The following PRICKLE2 variants were observed in gnomAD, a reference collection of about 807,000 sequenced individuals.
PRICKLE2 encodes the protein prickle planar cell polarity protein 2, also known as prickle-like protein 2.
Under a neutral mutation model 81.4 loss-of-function variants are expected in PRICKLE2, and 21 were observed. The ratio of observed to expected loss-of-function variants is 0.26; its 90% CI spans 0.18 to 0.37. The LOEUF (loss-of-function observed/expected upper bound fraction) is 0.37, where lower values mean the gene tolerates loss of function less well. Among genes scored for constraint, PRICKLE2 ranks in the 10% least tolerant of loss-of-function variants. The probability of loss-of-function intolerance (pLI) is 1.00; values close to 1 mark genes in which losing one functional copy is unlikely to be tolerated. For synonymous variants in PRICKLE2, 456 were observed against 421.5 expected (o/e 1.08, Z -1.00); for missense variants, 940 against 1,109.0 (o/e 0.85, Z 2.16).
intron 2 of PRICKLE2, among the ~76,000 whole-genome samples, chr3:64,192,263 A>G (rs1440565631): frequency 1.3e-5 from 2 of 152,194 alleles, no homozygotes; most frequent in Non-Finnish European, 2.9e-5. Flanking sequence ...GGTGCTGGCC[A>G]TGTGTCAGGC....
chr3:64,178,671 C>A (rs376732827), intron 2 of PRICKLE2, among the ~76,000 whole-genome samples: 2 of 152,196 alleles, frequency 1.3e-5, no homozygotes, highest in Non-Finnish European at 2.9e-5. Context: ...ACAAGTGATT[C>A]TCTTTATTCA....
intron 2 of PRICKLE2, among the ~76,000 whole-genome samples, chr3:64,187,207 A>G (rs1464242869): frequency 6.6e-6 from 1 of 152,232 alleles, no homozygotes; most frequent in East Asian, 1.9e-4. Flanking sequence ...CAACTCTGAC[A>G]GCTCCGTTGA....
chr3:64,100,519 G>A (rs2106937083), intron 7 of PRICKLE2: 1 of 155,436 alleles, frequency 6.4e-6, no homozygotes, highest in South Asian at 2.0e-4. Context: ...GATATAGATA[G>A]AGAAATATTT....
At chr3:64,176,719 G>A (rs903810371) in intron 2 of PRICKLE2, among the ~76,000 whole-genome samples, 9 of 152,188 alleles carry the variant, frequency 5.9e-5, no homozygotes, top group Admixed American at 2.6e-4. Context: ...ATTGAGAAGT[G>A]ACCAGAAAAT....
intron 2 of PRICKLE2, among the ~76,000 whole-genome samples, chr3:64,250,252 T>A (rs2079426191): frequency 6.6e-6 from 1 of 152,200 alleles, no homozygotes; most frequent in South Asian, 2.1e-4. Context: ...GGATAATTCT[T>A]TGTTGGAGGG....
At chr3:64,250,662 G>A (rs1335644350) in intron 2 of PRICKLE2, among the ~76,000 whole-genome samples, 1 of 152,192 alleles carries the variant, frequency 6.6e-6, no homozygotes, top group Non-Finnish European at 1.5e-5. Context: ...GTTTATACTG[G>A]TTTGACTTGA....
intron 2 of PRICKLE2, among the ~76,000 whole-genome samples, chr3:64,164,148 G>A (rs1428616740): frequency 1.3e-5 from 2 of 152,174 alleles, no homozygotes; most frequent in East Asian, 1.9e-4. Flanking sequence ...TGAGGCGGGC[G>A]GGAGAACCAC....
rs555309166 is a variant in PRICKLE2, at chr3:64,213,358, G to C, written c.-41+11552C>G. ...CCTCCCAAAGTGTTGGGATTAAAGG[G>C]GTGAGCCACCGTGCCCGGCCATGAC... On this transcript the variant is annotated intron_variant, in intron 1 of 7. Transcript: ENST00000638394. Among the ~76,000 whole-genome samples, 7 of 152,174 alleles carry C rather than the reference G, an allele frequency of 4.6e-5. 1 individual carries two copies. In the South Asian group the frequency reaches 1.5e-3, roughly 32 times the overall value.
rs764631619 is a variant in PRICKLE2 at position 64,099,249 on chromosome 3, G to A, written c.2337C>T (p.Ser779=). 1 of 1,614,212 alleles carries A rather than the reference G, an allele frequency of 6.2e-7. No homozygotes were observed. Among genetic ancestry groups the A allele is most frequent in the Non-Finnish European group, 8.5e-7 (1 of 1,180,046 alleles). The change falls in exon 8 of 8, where the codon TCC becomes TCT. Residue 779 remains serine, a synonymous_variant. Coordinates refer to ENST00000638394, the MANE Select transcript of PRICKLE2 (RefSeq NM_198859.4). This position sits in a 1 kb window ranked among gnomAD's most constrained non-coding sequence, Gnocchi z 4.3. ...CCTCGTTGTCAGACTCTGAAGAGGA[G>A]GAGCAGGTGGAACACCAATCATACT... is the stretch of plus-strand genomic sequence containing the variant. ...FAEYDWCSTC[S]SSSESDNEGY... is the part of the protein sequence containing the mutation.
chr3:64,098,635 A>C lies in PRICKLE2; in HGVS notation c.*416T>G, dbSNP rs2076604006. ...TTATCAGAACTCTCATTTACATTGCATTTACAATGGACATGTAAATAACTT... is the reference window on the plus strand; with the variant it reads ...TTATCAGAACTCTCATTTACATTGCCTTTACAATGGACATGTAAATAACTT... On this transcript the variant is annotated 3_prime_UTR_variant, in exon 8 of 8. Coordinates refer to ENST00000638394, the MANE Select transcript of PRICKLE2 (RefSeq NM_198859.4). 1 of 206,906 alleles carries C rather than the reference A, an allele frequency of 4.8e-6. No individual in the cohort carries two copies. Among genetic ancestry groups the C allele is most frequent in the East Asian group, 1.2e-4 (1 of 8,604 alleles). The allele number at this position is 206,906 out of a possible 1,614,324, so 12.8% of individuals were successfully genotyped here. A position where few individuals can be genotyped will look rare whatever the true frequency, so the allele number is the denominator to read the frequency against.
intron 7 of PRICKLE2, 80 bp from the exon 8 acceptor site, chr3:64,100,005 C>G (rs1208132702): frequency 6.8e-7 from 1 of 1,478,822 alleles, no homozygotes; most frequent in Non-Finnish European, 9.4e-7. Flanking sequence ...GGTCATCTAT[C>G]TAGGGTCATT....
chr3:64,124,452 C>G (rs2077076579), intron 7 of PRICKLE2, among the ~76,000 whole-genome samples: 1 of 152,194 alleles, frequency 6.6e-6, no homozygotes, highest in Non-Finnish European at 1.5e-5. Flanking sequence ...GTGAAACAGT[C>G]TTCAACAGAG....
intron 2 of PRICKLE2, among the ~76,000 whole-genome samples, chr3:64,193,885 T>G (rs1486098734): frequency 1.3e-5 from 2 of 152,244 alleles, no homozygotes; most frequent in African/African-American, 2.4e-5. Flanking sequence ...CCCAGCCATG[T>G]GGAACTGTAA....
At chr3:64,266,438 G>A (rs923615546) in intron 2 of PRICKLE2, among the ~76,000 whole-genome samples, 1 of 152,178 alleles carries the variant, frequency 6.6e-6, no homozygotes, top group East Asian at 1.9e-4. Flanking sequence ...GAAATCCAGA[G>A]AGAGCTGGGT....
At chr3:64,178,390 G>T (rs6778973) in intron 2 of PRICKLE2, among the ~76,000 whole-genome samples, 7,606 of 152,282 alleles carry the variant, frequency 0.05, 292 homozygotes, top group African/African-American at 0.12. Context: ...CCTCCATGAG[G>T]ATGGCAGCAG....
chr3:64,151,888 G>T (rs1210543037), intron 6 of PRICKLE2, among the ~76,000 whole-genome samples: 1 of 152,156 alleles, frequency 6.6e-6, no homozygotes, highest in Non-Finnish European at 1.5e-5. Context: ...GGTTTTTAGG[G>T]GTTAGGGGAT....
chr3:64,165,973 T>TGC (rs1365147510), intron 2 of PRICKLE2, among the ~76,000 whole-genome samples: 2 of 10,696 alleles, frequency 1.9e-4, no homozygotes, highest in African/African-American at 5.3e-4. Context: ...GGTGTGTGTG[T>TGC]GTGTGTGTGT....
intron 1 of PRICKLE2, among the ~76,000 whole-genome samples, chr3:64,212,698 G>T (rs912767597): frequency 6.6e-6 from 1 of 152,156 alleles, no homozygotes; most frequent in Non-Finnish European, 1.5e-5. Flanking sequence ...TCACTGAGTT[G>T]CCACTAGGAT....
At chr3:64,248,080 G>T (rs2079386154) in intron 2 of PRICKLE2, among the ~76,000 whole-genome samples, 1 of 152,144 alleles carries the variant, frequency 6.6e-6, no homozygotes, top group Admixed American at 6.5e-5. Context: ...AATTTTTGCA[G>T]GAGTAAGTTG....
Sources: gnomAD v4.1 joint callset for allele counts (sites outside exome capture counted in the v4.1 genomes callset) on GRCh38, gnomAD v4.1.1 for gene constraint, Gnocchi (gnomAD v3.1) non-coding constraint, MANE v1.5 for transcripts, NCBI Gene and HGNC (gene_info 2026-07-23, HGNC 2026-07-21) for gene names.